AMN: variants seen among roughly 807,000 people sequenced by gnomAD.
AMN encodes the protein amnion associated transmembrane protein.
A neutral mutation model predicts 49.1 loss-of-function variants in AMN; 40 were observed. That is an observed-to-expected ratio of 0.81 (90% CI 0.63 to 1.06). The LOEUF (loss-of-function observed/expected upper bound fraction) is 1.06. AMN is among the 50% of genes least tolerant of loss of function. AMN has a pLI of 0.00. For synonymous variants in AMN, 380 were observed against 313.3 expected (o/e 1.21, Z -2.25); for missense variants, 701 against 662.8 (o/e 1.06, Z -0.63).
rs1290829782 is a variant in AMN at position 102,928,933 on chromosome 14, C to T, written c.471C>T (p.Gly157=). The T allele has an allele frequency of 6.2e-7, 1 of 1,600,892 alleles. No homozygotes were observed. ...SASFRVGLGP[G]ASPVRVRSIS... ...CCTTCCGCGTGGGGCTCGGCCCTGG[C>T]GCTAGCCCCGTGCGTGTCCGCAGCA... The change falls in exon 5 of 12, where the codon GGC becomes GGT. Residue 157 remains glycine (G), a synonymous_variant. Coordinates refer to ENST00000299155, the MANE Select transcript of AMN (RefSeq NM_030943.4).
chr14:102,930,569 C>T lies in AMN; in HGVS notation c.1258-7C>T, dbSNP rs912035219. 5 of 1,567,122 alleles carry T rather than the reference C, an allele frequency of 3.2e-6. No individual in the cohort carries two copies. On this transcript the variant is annotated splice_polypyrimidine_tract_variant and splice_region_variant and intron_variant, in intron 11 of 11. Transcript: ENST00000299155. The stretch of plus-strand genomic sequence containing the variant: ...GCCGACCGCCGCCTGACCCTGTCAC[C>T]CCGCAGCCCCTGCCGCGGCGGCTCA...
At chr14:102,926,037 G>A (rs1027594927) in intron 3 of AMN, among the ~76,000 whole-genome samples, 5 of 152,152 alleles carry the variant, frequency 3.3e-5, no homozygotes, top group Admixed American at 2.0e-4. Flanking sequence ...CTGCTTTCTT[G>A]TTGGGGGAGT....
Position 102,930,775 on chromosome 14 carries a change from C to T in AMN, c.*95C>T, listed in dbSNP as rs1207810478. 1.5e-6 allele frequency: 2 copies of T among 1,334,922 alleles called. No individual in the cohort carries two copies. The highest frequency in any genetic ancestry group is 1.0e-6 in the Non-Finnish European group (1 of 962,884). 82.7% of individuals were successfully genotyped at this position (1,334,922 alleles called of 1,614,324 possible). A position where few individuals can be genotyped will look rare whatever the true frequency, so the allele number is the denominator to read the frequency against. On this transcript the variant is annotated 3_prime_UTR_variant, in exon 12 of 12. Transcript: ENST00000299155. ...CCTCCTCGTCCAGCCCCCAAACCTCCCCTTCCTTTCCCCCTCCTCCGGGGG... is the reference window on the plus strand; with the variant it reads ...CCTCCTCGTCCAGCCCCCAAACCTCTCCTTCCTTTCCCCCTCCTCCGGGGG...
At chr14:102,923,854 G>A (rs767280834) in intron 2 of AMN, 25 bp downstream of exon 2, 6 of 1,612,392 alleles carry the variant, frequency 3.7e-6, no homozygotes, top group South Asian at 3.3e-5. Flanking sequence ...CGGCGGGGTC[G>A]GTGATGGGCC....
chr14:102,925,223 C>T (rs1891158876), intron 3 of AMN, among the ~76,000 whole-genome samples: 1 of 152,254 alleles, frequency 6.6e-6, no homozygotes, highest in African/African-American at 2.4e-5. Context: ...GGTGTCGGCT[C>T]CAGATGTGGG....
In AMN at chr14:102,930,369, C is replaced by G. The variant is rs148815688; in HGVS notation, c.1170-37C>G. 481,912 of 1,477,878 alleles carry G rather than the reference C, an allele frequency of 0.33. 80,750 individuals are homozygous for G. The highest frequency in any genetic ancestry group is 0.35 in the Non-Finnish European group (386,697 of 1,119,968). 91.5% of individuals were successfully genotyped at this position (1,477,878 alleles called of 1,614,324 possible). On this transcript the variant is annotated intron_variant, in intron 10 of 11. Transcript: ENST00000299155. ...CGCGGAGGTGGGGCTGGGGGTTGCT[C>G]CGAGGGGCTCACGCTGCGTCCCCGC...
At chr14:102,925,755 G>A (rs542811221) in intron 3 of AMN, among the ~76,000 whole-genome samples, 1 of 152,150 alleles carries the variant, frequency 6.6e-6, no homozygotes, top group Non-Finnish European at 1.5e-5. Flanking sequence ...CCATTGGCCG[G>A]TGGGAACAGC....
rs763413999 is a variant in AMN at position 102,928,802 on chromosome 14, G to A, written c.340G>A (p.Asp114Asn). ...CGACTCTGACCGCTTCTCCTGGCAT[G>A]ACCCGCACCTGTGGCGCTCTGGGGA... ...FRDSDRFSWH[D>N]PHLWRSGDEA... is the part of the protein sequence containing the mutation. The change falls in exon 5 of 12, where the codon GAC becomes AAC. Residue 114 changes from aspartate (D) to asparagine (N), a missense_variant. Asp to Asn is a conservative substitution (Grantham distance 23). Transcript: ENST00000299155. 1.1e-5 allele frequency: 17 copies of A among 1,608,244 alleles called. No individual in the cohort carries two copies. The highest frequency in any genetic ancestry group is 1.4e-5 in the Non-Finnish European group (16 of 1,179,866).
In AMN at chr14:102,923,058, A is replaced by G. The variant is rs561522398; in HGVS notation, c.43+327A>G. On this transcript the variant is annotated intron_variant, in intron 1 of 11. Coordinates refer to ENST00000299155, the MANE Select transcript of AMN (RefSeq NM_030943.4). ...TCCCCAGAACCTGCCGAGAGCAGCG[A>G]GTGTGCGCCTGCGGGGCTCGGCAGA... The G allele has an allele frequency of 1.2e-3, 424 of 344,496 alleles. 2 individuals carry two copies. The Middle Eastern group carries it at 0.023, about 18-fold the overall frequency. The allele number at this position is 344,496 out of a possible 1,614,324, so 21.3% of individuals were successfully genotyped here.
At chr14:102,929,379 G>C in intron 6 of AMN, 49 bp from the exon 7 acceptor site, 2 of 1,517,524 alleles carry the variant, frequency 1.3e-6, no homozygotes, top group African/African-American at 1.4e-5. Context: ...CGCCCTTCTC[G>C]CTGCGGTCCG....
chr14:102,930,166 C>T lies in AMN; in HGVS notation c.1008C>T (p.Gly336=). ...ACTGAGCCGGCCCCTCCGTCGCAGG[C>T]GAGGCCCTCGGCGTCCTGGAGGCGA... ...RALLADVAEN[G]EALGVLEATM... The change falls in exon 10 of 12, where the codon GGC becomes GGT. Residue 336 remains glycine (G), a splice_region_variant and synonymous_variant. Coordinates refer to ENST00000299155, the MANE Select transcript of AMN (RefSeq NM_030943.4). The T allele has an allele frequency of 6.7e-7, 1 of 1,488,398 alleles. No homozygotes were observed. The highest frequency in any genetic ancestry group is 8.9e-7 in the Non-Finnish European group (1 of 1,126,026). 92.2% of individuals were successfully genotyped at this position (1,488,398 alleles called of 1,614,324 possible).
In AMN at chr14:102,928,807, GC is replaced by G; in HGVS notation, c.346del (p.His116ThrfsTer83). On this transcript the variant is annotated frameshift_variant, in exon 5 of 12. Coordinates refer to ENST00000299155, the MANE Select transcript of AMN (RefSeq NM_030943.4). LOFTEE classifies it high-confidence loss of function. ...CTGACCGCTTCTCCTGGCATGACCC[GC>G]ACCTGTGGCGCTCTGGGGACGAGGC... ...DSDRFSWHDP[H>X]LWRSGDEAPG... 1 of 1,607,932 alleles carries G rather than the reference GC, an allele frequency of 6.2e-7. No individual in the cohort carries two copies. Among genetic ancestry groups the G allele is most frequent in the Non-Finnish European group, 8.5e-7 (1 of 1,179,820 alleles).
In AMN at chr14:102,929,906, C is replaced by A. The variant is rs1176608776; in HGVS notation, c.844-18C>A. On this transcript the variant is annotated intron_variant, in intron 8 of 11. Coordinates refer to ENST00000299155, the MANE Select transcript of AMN (RefSeq NM_030943.4). The stretch of plus-strand genomic sequence containing the variant: ...AGGGCGGGGGGCTGAGTCAAACCAA[C>A]CCCGTCCCCCTCCCCAGCCTCAGTA... 4 of 1,551,942 alleles carry A rather than the reference C, an allele frequency of 2.6e-6. No individual in the cohort carries two copies. Among genetic ancestry groups the A allele is most frequent in the East Asian group, 4.9e-5 (2 of 40,928 alleles).
chr14:102,924,228 A>G (rs769613083), intron 3 of AMN, among the ~76,000 whole-genome samples: 1 of 152,038 alleles, frequency 6.6e-6, no homozygotes, highest in Non-Finnish European at 1.5e-5. Flanking sequence ...AGCCCTTGTG[A>G]TGCCCAGCAG....
intron 3 of AMN, among the ~76,000 whole-genome samples, chr14:102,926,898 GTT>G (rs1212366364): frequency 6.6e-6 from 1 of 151,250 alleles, no homozygotes; most frequent in Non-Finnish European, 1.5e-5. Context: ...ACTTTGTTAA[GTT>G]TGTTTTTTTG....
Position 102,929,704 on chromosome 14 carries a change from C to T in AMN, c.810C>T (p.Tyr270=). The T allele has an allele frequency of 6.4e-7, 1 of 1,551,192 alleles. No homozygotes were observed. The highest frequency in any genetic ancestry group is 2.4e-5 in the East Asian group (1 of 41,012). ...THGPAFDLER[Y]RARILDTFLG... ...GCCCCGCATTTGACCTGGAGCGGTA[C>T]CGGGCGCGGATACTGGACACCTTCC... Residue 270 remains tyrosine (Y), a synonymous_variant, in exon 8 of 12, where the codon TAC becomes TAT. Transcript: ENST00000299155.
At chr14:102,923,588 A>G in intron 1 of AMN, 123 bp from the exon 2 acceptor site, 1 of 925,160 alleles carries the variant, frequency 1.1e-6, no homozygotes, top group Non-Finnish European at 1.8e-6. Context: ...GCCCCCGGGG[A>G]TGGGGTTCCT....
At chr14:102,926,217 C>T (rs912613847) in intron 3 of AMN, among the ~76,000 whole-genome samples, 15 of 152,236 alleles carry the variant, frequency 9.9e-5, no homozygotes, top group Non-Finnish European at 1.6e-4. Context: ...AGAATCGCGT[C>T]TGCTCCTCAG....
In AMN at chr14:102,929,110, G is replaced by A. The variant is rs2139309875; in HGVS notation, c.514-11G>A. ...TCGGGCTGGCTCCGGTGGGGACCCGGCTGCCCGCAGACGTTCACGCGCGAC... is the reference window on the plus strand; with the variant it reads ...TCGGGCTGGCTCCGGTGGGGACCCGACTGCCCGCAGACGTTCACGCGCGAC... On this transcript the variant is annotated splice_polypyrimidine_tract_variant and intron_variant, in intron 5 of 11. Coordinates refer to ENST00000299155, the MANE Select transcript of AMN (RefSeq NM_030943.4). The A allele has an allele frequency of 1.3e-6, 2 of 1,597,546 alleles. No homozygotes were observed. The highest frequency in any genetic ancestry group is 1.7e-6 in the Non-Finnish European group (2 of 1,179,592).
Sources: allele counts gnomAD v4.1 joint callset (sites outside exome capture counted in the v4.1 genomes callset), GRCh38; gene constraint gnomAD v4.1.1; transcripts MANE v1.5; gene names NCBI Gene and HGNC (gene_info 2026-07-23, HGNC 2026-07-21).